The following ZNF467 variants were observed in gnomAD, a reference collection of about 807,000 sequenced individuals.
The protein encoded by ZNF467 is zinc finger protein 467.
A neutral mutation model predicts 47.8 loss-of-function variants in ZNF467; 51 were observed. The observed-to-expected ratio is 1.07, with a 90% CI of 0.85 to 1.35. The LOEUF is 1.35. Among genes scored for constraint, ZNF467 ranks in the 40% most tolerant of loss-of-function variants. ZNF467 has a pLI of 0.00. For missense variants in ZNF467, 992 were observed against 858.1 expected (o/e 1.16, Z -1.95); for synonymous variants, 416 against 372.9 (o/e 1.12, Z -1.33).
chr7:149,768,551 A>C (rs2117433777), intron 4 of ZNF467, among the ~76,000 whole-genome samples: 1 of 152,346 alleles, frequency 6.6e-6, no homozygotes, highest in South Asian at 2.1e-4. Flanking sequence ...TGAATAAATG[A>C]TATCCCTCAG....
chr7:149,771,051 C>G lies in ZNF467; in HGVS notation c.-19G>C. On this transcript the variant is annotated 5_prime_UTR_variant, in exon 2 of 5. Transcript: ENST00000302017. The stretch of plus-strand genomic sequence containing the variant: ...CTCTCATGGTAACCCAGAGTAGCTC[C>G]TCCTGGGGATCAGGCCACAGAACCT... 6.2e-7 allele frequency: 1 copy of G among 1,614,016 alleles called. No homozygotes were observed. The highest frequency in any genetic ancestry group is 8.5e-7 in the Non-Finnish European group (1 of 1,179,942).
chr7:149,765,870 C>A lies in ZNF467; in HGVS notation c.632G>T (p.Arg211Leu), dbSNP rs1371353941. ...GGAGCACGGGAAAGGCCGCTCGCCG[C>A]GGTGGCTGCGCTGATGCAGTAGCAT... ...AHMLLHQRSH[R>L]GERPFPCSEC... The change falls in exon 5 of 5, where the codon CGC becomes CTC. Residue 211 changes from arginine (R) to leucine (L), a missense_variant. By Grantham distance (102) the Arg-to-Leu change is moderately radical. Transcript: ENST00000302017. 1 of 1,597,542 alleles carries A rather than the reference C, an allele frequency of 6.3e-7. No individual in the cohort carries two copies. The highest frequency in any genetic ancestry group is 1.3e-5 in the African/African-American group (1 of 74,626).
chr7:149,766,163 C>T lies in ZNF467; in HGVS notation c.339G>A (p.Gln113=), dbSNP rs751281385. The change falls in exon 5 of 5, where the codon CAG becomes CAA. Residue 113 remains glutamine (Q), a synonymous_variant. Transcript: ENST00000302017. ...AGGGGCTGGGAAGTAACGATAGATG[C>T]TGGGGCCATTCGACCTCCTCTTCTG... ...QEAEEEVEWP[Q]HLSLLPSPFP... 5 of 1,577,368 alleles carry T rather than the reference C, an allele frequency of 3.2e-6. No individual in the cohort carries two copies. In the Admixed American group the frequency reaches 9.1e-5, roughly 29 times the overall value.
intron 3 of ZNF467, among the ~76,000 whole-genome samples, chr7:149,770,237 A>G (rs771344166): frequency 6.6e-6 from 1 of 151,874 alleles, no homozygotes; most frequent in Non-Finnish European, 1.5e-5. Context: ...ATCTTTGACT[A>G]TTTGGTCACT....
At chr7:149,772,154 C>T (rs1799439645) in intron 1 of ZNF467, among the ~76,000 whole-genome samples, 1 of 118,924 alleles carries the variant, frequency 8.4e-6, no homozygotes, top group Non-Finnish European at 1.8e-5. Flanking sequence ...CCCTCCTCTC[C>T]TCCCCCACCC....
At chr7:149,766,707 G>T (rs855669) in intron 4 of ZNF467, among the ~76,000 whole-genome samples, 4,679 of 152,210 alleles carry the variant, frequency 0.031, 146 homozygotes, top group African/African-American at 0.08. Context: ...ACTGAGCCCT[G>T]GCTGACTTTA....
rs1010641920 is a variant in ZNF467 at position 149,764,300 on chromosome 7, G to A, written c.*414C>T. ...GGGGGTGGTCTGTGTGTGGATGGAGGTGGGACAGTGGCTAAGGAGAGTCAG... is the reference window on the plus strand; with the variant it reads ...GGGGGTGGTCTGTGTGTGGATGGAGATGGGACAGTGGCTAAGGAGAGTCAG... On this transcript the variant is annotated 3_prime_UTR_variant, in exon 5 of 5. Coordinates refer to ENST00000302017, the MANE Select transcript of ZNF467 (RefSeq NM_207336.3). 21 of 508,140 alleles carry A rather than the reference G, an allele frequency of 4.1e-5. No homozygotes were observed. In the East Asian group the frequency reaches 7.0e-4, roughly 17 times the overall value. 31.5% of individuals were successfully genotyped at this position (508,140 alleles called of 1,614,324 possible).
At position 149,765,930 on chromosome 7, in the gene ZNF467, G is replaced by A. The variant is rs61745481; in HGVS notation, c.572C>T (p.Pro191Leu). The change falls in exon 5 of 5, where the codon CCG becomes CTG. Residue 191 changes from proline (P) to leucine (L), a missense_variant. Pro to Leu is a moderately conservative substitution (Grantham distance 98). Transcript: ENST00000302017. ...LHRGEGPCAC[P>L]DCGRSFTQRA... Reference sequence around the variant, plus strand: ...CTGCGTGAAGCTGCGGCCGCAGTCCGGGCAGGCGCAGGGGCCCTCGCCCCG... The same window carrying A: ...CTGCGTGAAGCTGCGGCCGCAGTCCAGGCAGGCGCAGGGGCCCTCGCCCCG... 3.2e-6 allele frequency: 5 copies of A among 1,555,790 alleles called. No homozygotes were observed. Among genetic ancestry groups the A allele is most frequent in the South Asian group, 1.2e-5 (1 of 85,590 alleles).
chr7:149,769,154 G>A lies in ZNF467; in HGVS notation c.198C>T (p.Ala66=), dbSNP rs369922355. ...ACGCCTGGCCTCTGCAGGGAGCCTC[G>A]GCTTGTTCTGTGTGGGCACCTTCCT... ...TPEEGAHTEQ[A]EAPCRGQACS... is the part of the protein sequence containing the mutation. Residue 66 remains alanine, a synonymous_variant, in exon 4 of 5, where the codon GCC becomes GCT. Transcript: ENST00000302017. This position sits in a 1 kb window ranked among gnomAD's most constrained non-coding sequence, Gnocchi z 5.3. The A allele has an allele frequency of 5.3e-5, 83 of 1,562,736 alleles. No homozygotes were observed. Among genetic ancestry groups the A allele is most frequent in the Middle Eastern group, 3.3e-4 (2 of 6,028 alleles).
chr7:149,768,570 T>C (rs1799290883), intron 4 of ZNF467, among the ~76,000 whole-genome samples: 1 of 151,992 alleles, frequency 6.6e-6, no homozygotes, highest in African/African-American at 2.4e-5. Context: ...AGGCAAAAGG[T>C]AGTAAGGATG....
At chr7:149,776,354 G>A (rs1054299201), upstream of ZNF467, 2 of 1,362,112 alleles carry the variant, frequency 1.5e-6, no homozygotes, top group South Asian at 1.1e-5. Context: ...AGGCGGTGGT[G>A]TGAGTGGACA....
rs764338423 is a variant in ZNF467 at position 149,765,793 on chromosome 7, T to C, written c.709A>G (p.Thr237Ala). 1.9e-6 allele frequency: 3 copies of C among 1,611,470 alleles called. No individual in the cohort carries two copies. The highest frequency in any genetic ancestry group is 1.3e-5 in the African/African-American group (1 of 74,984). The change falls in exon 5 of 5, where the codon ACG becomes GCG. Residue 237 changes from threonine (T) to alanine (A), a missense_variant. Transcript: ENST00000302017. ...GGGTAGGGCCGCTCGCCCGTGTGCG[T>C]GCGCAGGTGGCGGGTCAGATGGGCC... ...KKAHLTRHLRTHTGERPYPCA... is the reference protein window; with the variant it reads ...KKAHLTRHLRAHTGERPYPCA...
In ZNF467 at chr7:149,770,516, C is replaced by T; in HGVS notation, c.75G>A (p.Glu25=). 6.2e-7 allele frequency: 1 copy of T among 1,613,792 alleles called. No homozygotes were observed. Among genetic ancestry groups the T allele is most frequent in the Non-Finnish European group, 8.5e-7 (1 of 1,179,868 alleles). ...VGQPEMAPQS[E]PREGSHNAQE... ...GGGCATTATGGGATCCTTCCCTGGGCTCACTTTGGGGGGCCATCTCTGGCT... is the reference window on the plus strand; with the variant it reads ...GGGCATTATGGGATCCTTCCCTGGGTTCACTTTGGGGGGCCATCTCTGGCT... Residue 25 remains glutamate, a synonymous_variant, in exon 3 of 5, where the codon GAG becomes GAA. Transcript: ENST00000302017.
rs772209814 is a variant in ZNF467, at chr7:149,765,016, A to G, written c.1486T>C (p.Phe496Leu). The change falls in exon 5 of 5, where the codon TTC becomes CTC. Residue 496 changes from phenylalanine to leucine, a missense_variant. By Grantham distance (22) the Phe-to-Leu change is conservative. Transcript: ENST00000302017. ...CGGCCCAGGTGCGACTTGCGGCTGA[A>G]GCGGCGGCCGCACTGAGCGCAGGCG... is the stretch of plus-strand genomic sequence containing the variant. ...PFACAQCGRR[F>L]SRKSHLGRHQ... The G allele has an allele frequency of 1.3e-6, 2 of 1,576,930 alleles. No homozygotes were observed. The highest frequency in any genetic ancestry group is 2.2e-5 in the South Asian group (2 of 89,272).
Position 149,765,549 on chromosome 7 carries a change from T to G in ZNF467, c.953A>C (p.His318Pro). ...GCCGGCCGTCTGGTGCACCCTTTGG[T>G]GCCGCACCAAGTGCTGCTTGTGCGT... ...SFTHKQHLVRHQRVHQTAGPA... is the reference protein window; with the variant it reads ...SFTHKQHLVRPQRVHQTAGPA... Residue 318 changes from histidine to proline, a missense_variant, in exon 5 of 5, where the codon CAC becomes CCC. Coordinates refer to ENST00000302017, the MANE Select transcript of ZNF467 (RefSeq NM_207336.3). 1 of 1,582,544 alleles carries G rather than the reference T, an allele frequency of 6.3e-7. No individual in the cohort carries two copies. The highest frequency in any genetic ancestry group is 8.6e-7 in the Non-Finnish European group (1 of 1,164,366).
chr7:149,776,188 G>A (rs1165324182), upstream of ZNF467: 2 of 432,394 alleles, frequency 4.6e-6, no homozygotes, highest in Admixed American at 5.2e-5. Flanking sequence ...CCCCACCCCC[G>A]GGATCCTCCC....
chr7:149,771,888 C>A (rs1585959346), intron 1 of ZNF467, among the ~76,000 whole-genome samples: 1 of 150,592 alleles, frequency 6.6e-6, no homozygotes, highest in African/African-American at 2.4e-5. Context: ...GCCAACCCCT[C>A]GAGGCCCCGT....
upstream of ZNF467, chr7:149,776,479 C>T (rs370028003): frequency 1.6e-4 from 212 of 1,329,072 alleles, 2 homozygotes; most frequent in South Asian, 2.2e-3. Context: ...CTGGAGTGGC[C>T]GCTCGGGGCT....
Position 149,765,647 on chromosome 7 carries a change from C to G in ZNF467, c.855G>C (p.Thr285=). ...TECEKRFRKK[T]HLIRHQRIHT... ...GGATGCGCTGGTGCCGAATCAAGTG[C>G]GTCTTCTTGCGAAAGCGCTTCTCGC... Residue 285 remains threonine, a synonymous_variant, in exon 5 of 5, where the codon ACG becomes ACC. Coordinates refer to ENST00000302017, the MANE Select transcript of ZNF467 (RefSeq NM_207336.3). The G allele has an allele frequency of 6.2e-7, 1 of 1,610,630 alleles. No individual in the cohort carries two copies. Among genetic ancestry groups the G allele is most frequent in the Non-Finnish European group, 8.5e-7 (1 of 1,178,728 alleles).
Sources: allele counts gnomAD v4.1 joint callset (sites outside exome capture counted in the v4.1 genomes callset), GRCh38; gene constraint gnomAD v4.1.1; non-coding constraint Gnocchi (gnomAD v3.1); transcripts MANE v1.5; gene names NCBI Gene and HGNC (gene_info 2026-07-23, HGNC 2026-07-21).